TWF2: variants seen among roughly 807,000 people sequenced by gnomAD.
The protein encoded by TWF2 is twinfilin actin binding protein 2.
In TWF2, 15 loss-of-function variants were observed where a neutral mutation model predicts 45.1. That is an observed-to-expected ratio of 0.33 (90% CI 0.22 to 0.51). TWF2 has a LOEUF of 0.51. TWF2 is among the 20% of genes least tolerant of loss of function. The pLI is 0.97. For synonymous variants in TWF2, 177 were observed against 195.8 expected, an observed-to-expected ratio of 0.90 and a Z score of 0.80; for missense variants, 423 against 469.1, an observed-to-expected ratio of 0.90 and a Z score of 0.91.
chr3:52,230,151 G>A lies in TWF2; in HGVS notation c.610-81C>T, dbSNP rs1559440396. The A allele has an allele frequency of 1.2e-5, 18 of 1,450,796 alleles. No individual in the cohort carries two copies. In the South Asian group the frequency reaches 2.5e-4, roughly 20 times the overall value. 89.9% of individuals were successfully genotyped at this position (1,450,796 alleles called of 1,614,324 possible). On this transcript the variant is annotated intron_variant, in intron 6 of 8. Coordinates refer to ENST00000305533, the MANE Select transcript of TWF2 (RefSeq NM_007284.4). ...CTCTCCCCAGGAAGCCCTCAAACAG[G>A]ATTAGCTGGTGGGCAGGAGCCTGAT...
At chr3:52,232,356 A>ACCC in intron 2 of TWF2, 2 of 568,650 alleles carry the variant, frequency 3.5e-6, no homozygotes, top group Admixed American at 3.4e-5. Context: ...GCGCGTGCAC[A>ACCC]CACCCCCCCA....
At chr3:52,229,270 C>T (rs933994138) in intron 8 of TWF2, 69 bp from the exon 9 acceptor site, 2 of 1,568,678 alleles carry the variant, frequency 1.3e-6, no homozygotes, top group African/African-American at 2.7e-5. Flanking sequence ...TGGTAGCCCC[C>T]ACTCCTGGGG....
chr3:52,230,215 C>G (rs1699666015), intron 6 of TWF2, 145 bp from the exon 7 acceptor site: 1 of 1,150,634 alleles, frequency 8.7e-7, no homozygotes, highest in South Asian at 1.6e-5. Context: ...CAATGGCCAT[C>G]CCTCTATGGG....
At chr3:52,237,677 C>G (rs1422843496) in intron 1 of TWF2, among the ~76,000 whole-genome samples, 1 of 152,202 alleles carries the variant, frequency 6.6e-6, no homozygotes, top group Non-Finnish European at 1.5e-5. Flanking sequence ...GAGGCAGTTC[C>G]CTCCTGTGGG....
intron 3 of TWF2, 51 bp from the exon 4 acceptor site, chr3:52,231,590 C>G: frequency 1.3e-6 from 2 of 1,561,852 alleles, no homozygotes; most frequent in South Asian, 2.3e-5. Context: ...GGCTGCCTCT[C>G]CCGGAACAGA....
intron 6 of TWF2, among the ~76,000 whole-genome samples, chr3:52,230,574 G>A (rs1430329501): frequency 6.6e-6 from 1 of 152,160 alleles, no homozygotes; most frequent in African/African-American, 2.4e-5. Flanking sequence ...TGACCCCAGG[G>A]GTATGGGTGG....
rs1553617012 is a variant in TWF2, at chr3:52,239,104, A to ATGTGGCGGAGGATGTGGCGGAGGC, written c.-89_-88insGCCTCCGCCACATCCTCCGCCACA. On this transcript the variant is annotated 5_prime_UTR_variant, in exon 1 of 9. Transcript: ENST00000305533. ...CTCGCTGGACCAAGAGAGGTGGAGG[A>ATGTGGCGGAGGATGTGGCGGAGGC]TGTGGCGGAGGCTGTCGACCCTCGC... 14 of 1,492,122 alleles carry ATGTGGCGGAGGATGTGGCGGAGGC rather than the reference A, an allele frequency of 9.4e-6. No individual in the cohort carries two copies. The highest frequency in any genetic ancestry group is 9.8e-6 in the Non-Finnish European group (11 of 1,117,352). The allele number at this position is 1,492,122 out of a possible 1,614,324, so 92.4% of individuals were successfully genotyped here. A position where few individuals can be genotyped will look rare whatever the true frequency, so the allele number is the denominator to read the frequency against.
intron 1 of TWF2, 92 bp downstream of exon 1, chr3:52,238,900 G>GGT: frequency 6.8e-7 from 1 of 1,481,068 alleles, no homozygotes; most frequent in Non-Finnish European, 9.0e-7. Context: ...TCTCCCGGCT[G>GGT]GTGTGGGGTG....
chr3:52,236,630 G>A (rs1378566638), intron 1 of TWF2, among the ~76,000 whole-genome samples: 1 of 152,064 alleles, frequency 6.6e-6, no homozygotes, highest in Non-Finnish European at 1.5e-5. Flanking sequence ...GGGGCGGGGG[G>A]GCCTTTAGGA....
At chr3:52,229,503 G>A (rs1435664795) in intron 8 of TWF2, among the ~76,000 whole-genome samples, 158 bp downstream of exon 8, 2 of 152,198 alleles carry the variant, frequency 1.3e-5, no homozygotes, top group African/African-American at 2.4e-5. Context: ...CAGCTGGGCA[G>A]CCTTGGGCCA....
intron 7 of TWF2, 47 bp from the exon 8 acceptor site, chr3:52,229,829 G>A (rs1699661311): frequency 6.2e-7 from 1 of 1,600,346 alleles, no homozygotes; most frequent in South Asian, 1.1e-5. Flanking sequence ...GAAACCTGCT[G>A]ACCTTCGCAC....
At chr3:52,231,903 C>T (rs1350337782) in intron 3 of TWF2, 41 bp downstream of exon 3, 4 of 1,590,354 alleles carry the variant, frequency 2.5e-6, no homozygotes, top group African/African-American at 2.7e-5. Context: ...CCTGGCTCAG[C>T]CCCAGCTCCC....
intron 6 of TWF2, among the ~76,000 whole-genome samples, 155 bp from the exon 7 acceptor site, chr3:52,230,225 G>A (rs542304011): frequency 7.7e-4 from 118 of 152,326 alleles, no homozygotes; most frequent in African/African-American, 2.7e-3. Flanking sequence ...CCCTCTATGG[G>A]GGTCCCTCTG....
chr3:52,230,828 G>A (rs924377390), intron 6 of TWF2, 42 bp downstream of exon 6: 8 of 1,599,430 alleles, frequency 5.0e-6, no homozygotes, highest in Middle Eastern at 1.7e-4. Flanking sequence ...GCAGGAGTAG[G>A]GGTGGTGGCA....
intron 8 of TWF2, 36 bp from the exon 9 acceptor site, chr3:52,229,237 G>A (rs751441159): frequency 4.4e-6 from 7 of 1,602,664 alleles, no homozygotes; most frequent in African/African-American, 1.3e-5. Context: ...CCCAATGGGA[G>A]GGGCTCTGAC....
intron 1 of TWF2, among the ~76,000 whole-genome samples, chr3:52,237,810 C>G (rs917582355): frequency 3.3e-5 from 5 of 152,344 alleles, no homozygotes; most frequent in Admixed American, 2.6e-4. Context: ...GGCAGCCCAG[C>G]CACCAAGTGG....
chr3:52,231,627 G>C (rs1195444238), intron 3 of TWF2, 88 bp from the exon 4 acceptor site: 39 of 1,408,520 alleles, frequency 2.8e-5, no homozygotes, highest in Non-Finnish European at 3.7e-5. Flanking sequence ...AACTCGGTGG[G>C]CTCACTGCGC....
intron 1 of TWF2, among the ~76,000 whole-genome samples, 153 bp from the exon 2 acceptor site, chr3:52,235,259 A>G (rs1450834731): frequency 6.6e-6 from 1 of 151,554 alleles, no homozygotes; most frequent in East Asian, 1.9e-4. Flanking sequence ...CAGCCACTGA[A>G]CACAAGCTCC....
chr3:52,228,994 A>G lies in TWF2; in HGVS notation c.*40T>C, dbSNP rs1699651285. On this transcript the variant is annotated 3_prime_UTR_variant, in exon 9 of 9. Coordinates refer to ENST00000305533, the MANE Select transcript of TWF2 (RefSeq NM_007284.4). Reference sequence around the variant, plus strand: ...TGGTGGCAGGGAGCGGAAGGTGGGCAGCCCCACAGTCCACACGTGGCCGGC... The same window carrying G: ...TGGTGGCAGGGAGCGGAAGGTGGGCGGCCCCACAGTCCACACGTGGCCGGC... 6.3e-7 allele frequency: 1 copy of G among 1,583,288 alleles called. No homozygotes were observed. The highest frequency in any genetic ancestry group is 1.3e-5 in the African/African-American group (1 of 74,122).
Sources: gnomAD v4.1 joint callset for allele counts (sites outside exome capture counted in the v4.1 genomes callset) on GRCh38, gnomAD v4.1.1 for gene constraint, MANE v1.5 for transcripts, NCBI Gene and HGNC (gene_info 2026-07-23, HGNC 2026-07-21) for gene names.